SLC24A2: variants seen among roughly 807,000 people sequenced by gnomAD.
SLC24A2 encodes the protein solute carrier family 24 member 2.
In SLC24A2, 36 loss-of-function variants were observed where a neutral mutation model predicts 62.0. That is an observed-to-expected ratio of 0.58 (90% confidence interval 0.44 to 0.77). The LOEUF (loss-of-function observed/expected upper bound fraction) is 0.77, where lower values mean the gene tolerates loss of function less well. SLC24A2 is among the 30% of genes least tolerant of loss of function. The pLI, the probability that SLC24A2 is intolerant of heterozygous loss-of-function variation, is 0.00. For synonymous variants in SLC24A2, 358 were observed against 294.0 expected (o/e 1.22, Z -2.23); for missense variants, 846 against 817.9 (o/e 1.03, Z -0.42).
At chr9:20,161,062 A>G in the SLC24A2 span, among the ~76,000 whole-genome samples, 1 of 151,424 alleles carries the variant, frequency 6.6e-6, no homozygotes, top group Non-Finnish European at 1.5e-5. Flanking sequence ...TTACCTCTTG[A>G]TATGGATAAA....
the SLC24A2 span, among the ~76,000 whole-genome samples, chr9:20,187,220 A>G: frequency 1.3e-5 from 2 of 152,184 alleles, no homozygotes; most frequent in Non-Finnish European, 2.9e-5. Context: ...CTGACCTCAA[A>G]TATGGCATTG....
rs143629599 is a variant in SLC24A2, at chr9:19,668,454, C to T, written c.931-46155G>A. Reference sequence around the variant, plus strand: ...ATTTCCTCAAATCGCAAAACATTTCCGTACCTGCATGCCTATGCTCAATCT... The same window carrying T: ...ATTTCCTCAAATCGCAAAACATTTCTGTACCTGCATGCCTATGCTCAATCT... On this transcript the variant is annotated intron_variant, in intron 2 of 10. Transcript: ENST00000341998. 3.4e-4 allele frequency among the ~76,000 whole-genome samples: 52 copies of T among 152,318 alleles called. No homozygotes were observed. In the East Asian group the frequency reaches 9.1e-3, roughly 27 times the overall value.
chr9:19,667,124 T>C (rs1819277134), intron 2 of SLC24A2, among the ~76,000 whole-genome samples: 1 of 152,132 alleles, frequency 6.6e-6, no homozygotes, highest in Non-Finnish European at 1.5e-5. Context: ...ACCTCAATGA[T>C]TTATCACATA....
At chr9:19,619,544 T>G (rs59771317) in intron 4 of SLC24A2, 40 bp downstream of exon 4, 1 of 1,471,048 alleles carries the variant, frequency 6.8e-7, no homozygotes, top group Admixed American at 1.7e-5. Context: ...GGCATCCTTT[T>G]CCCCCCAAAC....
the SLC24A2 span, among the ~76,000 whole-genome samples, chr9:20,213,045 G>C: frequency 6.6e-6 from 1 of 151,646 alleles, no homozygotes; most frequent in African/African-American, 2.4e-5. Flanking sequence ...TGGGGAGGGA[G>C]AGCATCAGGA....
chr9:20,027,123 T>G, the SLC24A2 span, among the ~76,000 whole-genome samples: 1 of 152,006 alleles, frequency 6.6e-6, no homozygotes, highest in Non-Finnish European at 1.5e-5. Context: ...TGAGCTATTA[T>G]CTCATCCCAG....
At chr9:19,939,213 G>C in the SLC24A2 span, among the ~76,000 whole-genome samples, 4 of 152,334 alleles carry the variant, frequency 2.6e-5, no homozygotes, top group African/African-American at 9.6e-5. Flanking sequence ...CTCTAAACCT[G>C]AGAACAAAGC....
the SLC24A2 span, among the ~76,000 whole-genome samples, chr9:20,248,941 C>T: frequency 6.6e-6 from 1 of 152,306 alleles, no homozygotes; most frequent in South Asian, 2.1e-4. Context: ...CTCCCTTTCT[C>T]CCCCTGGAAG....
chr9:19,892,975 T>A, the SLC24A2 span, among the ~76,000 whole-genome samples: 1 of 152,132 alleles, frequency 6.6e-6, no homozygotes, highest in African/African-American at 2.4e-5. Flanking sequence ...AGGGGGAGGT[T>A]TTGTTTCCTC....
Position 19,599,256 on chromosome 9 carries a change from G to C in SLC24A2, c.1079-1977C>G, listed in dbSNP as rs1340250242. Among the ~76,000 whole-genome samples, 1 of 152,164 alleles carries C rather than the reference G, an allele frequency of 6.6e-6. No individual in the cohort carries two copies. Among genetic ancestry groups the C allele is most frequent in the African/African-American group, 2.4e-5 (1 of 41,430 alleles). On this transcript the variant is annotated intron_variant, in intron 4 of 10. Transcript: ENST00000341998. The surrounding 1 kb of genome is among the most constrained non-coding windows in gnomAD (Gnocchi z 4.5). ...ATTGGAACTGTTCATATCGGACAAA[G>C]CTCACACATTCTCGACAACGTGGCA...
intron 6 of SLC24A2, among the ~76,000 whole-genome samples, chr9:19,575,217 G>A (rs1331978257): frequency 6.6e-6 from 1 of 152,206 alleles, no homozygotes; most frequent in African/African-American, 2.4e-5. Context: ...ATACGTATGT[G>A]ATGTGCTGCA....
At chr9:19,833,271 G>A in the SLC24A2 span, among the ~76,000 whole-genome samples, 4 of 152,094 alleles carry the variant, frequency 2.6e-5, no homozygotes, top group Non-Finnish European at 4.4e-5. Context: ...GCCAAAGCAG[G>A]GTGAGGCATT....
chr9:19,927,313 G>T, the SLC24A2 span: 1 of 152,210 alleles, frequency 6.6e-6, no homozygotes, highest in African/African-American at 2.4e-5. Context: ...GCTTAAGCTC[G>T]CCTGCCTAGG....
At chr9:20,097,441 T>C in the SLC24A2 span, among the ~76,000 whole-genome samples, 2 of 152,170 alleles carry the variant, frequency 1.3e-5, no homozygotes, top group Non-Finnish European at 2.9e-5. Flanking sequence ...TTCTATATCT[T>C]TAAAAATACT....
the SLC24A2 span, among the ~76,000 whole-genome samples, chr9:20,120,890 CATTGA>C: frequency 2.0e-5 from 3 of 151,476 alleles, no homozygotes; most frequent in African/African-American, 7.3e-5. Context: ...TATCTTCTTT[CATTGA>C]ATTTCCTTGG....
chr9:19,894,909 A>C, the SLC24A2 span, among the ~76,000 whole-genome samples: 1 of 152,236 alleles, frequency 6.6e-6, no homozygotes, highest in Admixed American at 6.5e-5. Context: ...GAGAAGTTGC[A>C]ACAAATTTTA....
At chr9:20,180,633 G>C in the SLC24A2 span, among the ~76,000 whole-genome samples, 3 of 152,058 alleles carry the variant, frequency 2.0e-5, no homozygotes, top group Non-Finnish European at 4.4e-5. Context: ...ATTATTTCAA[G>C]TTTCCCGATA....
intron 7 of SLC24A2, among the ~76,000 whole-genome samples, chr9:19,563,796 C>CCCTTCCTT (rs1181236935): frequency 2.3e-4 from 14 of 60,816 alleles, no homozygotes; most frequent in Admixed American, 3.8e-4. Flanking sequence ...TTTATAATGA[C>CCCTTCCTT]CCTTCCTTCC....
At chr9:19,785,035 C>T (rs532454282) in intron 2 of SLC24A2, among the ~76,000 whole-genome samples, 1 of 152,264 alleles carries the variant, frequency 6.6e-6, no homozygotes, top group South Asian at 2.1e-4. Context: ...GGTATTTTGG[C>T]TTTCTGTTTA....
Sources: gnomAD v4.1 joint callset for allele counts (sites outside exome capture counted in the v4.1 genomes callset) on GRCh38, gnomAD v4.1.1 for gene constraint, Gnocchi (gnomAD v3.1) non-coding constraint, MANE v1.5 for transcripts, NCBI Gene and HGNC (gene_info 2026-07-23, HGNC 2026-07-21) for gene names.